The following SYT14 variants were observed in gnomAD, a reference collection of about 807,000 sequenced individuals.
The protein encoded by SYT14 is synaptotagmin-14.
Under a neutral mutation model 74.2 loss-of-function variants are expected in SYT14, and 32 were observed. The observed-to-expected ratio is 0.43, with a 90% CI of 0.33 to 0.58. The LOEUF (loss-of-function observed/expected upper bound fraction) is 0.58, where lower values mean the gene tolerates loss of function less well. Among genes scored for constraint, SYT14 ranks in the 20% least tolerant of loss-of-function variants. SYT14 has a pLI of 0.05. For synonymous variants in SYT14, 298 were observed against 337.7 expected, an observed-to-expected ratio of 0.88 and a Z score of 1.29; for missense variants, 791 against 981.8, an observed-to-expected ratio of 0.81 and a Z score of 2.60.
chr1:210,159,888 C>T (rs2083339177), intron 9 of SYT14, among the ~76,000 whole-genome samples: 1 of 152,090 alleles, frequency 6.6e-6, no homozygotes, highest in African/African-American at 2.4e-5. Context: ...GGATTTGTCT[C>T]CCAAATAATC....
At chr1:209,939,131 T>C (rs993937011) in intron 1 of SYT14, among the ~76,000 whole-genome samples, 14 of 152,222 alleles carry the variant, frequency 9.2e-5, no homozygotes, top group African/African-American at 3.4e-4. Context: ...TTTTGCCTTG[T>C]TTTTAAGGAA....
At chr1:209,992,299 C>T (rs1401516303) in intron 2 of SYT14, among the ~76,000 whole-genome samples, 1 of 152,078 alleles carries the variant, frequency 6.6e-6, no homozygotes, top group Non-Finnish European at 1.5e-5. Context: ...TGCACACCAC[C>T]ACACCTGGCT....
chr1:210,103,121 G>A (rs563115813), intron 7 of SYT14, among the ~76,000 whole-genome samples: 27 of 152,028 alleles, frequency 1.8e-4, no homozygotes, highest in African/African-American at 6.3e-4. Flanking sequence ...TAGATAATAG[G>A]AAAATAGAAT....
exon 9 of SYT14, chr1:210,159,450 A>C (rs1292211022): frequency 1.3e-6 from 2 of 1,551,356 alleles, no homozygotes; most frequent in Non-Finnish European, 1.7e-6. Flanking sequence ...AAAACACTTG[A>C]TAGGTGGACA....
At chr1:210,075,338 G>GT (rs1174586080) in intron 5 of SYT14, among the ~76,000 whole-genome samples, 8 of 104,556 alleles carry the variant, frequency 7.7e-5, no homozygotes, top group African/African-American at 3.2e-4. Context: ...GGTCTCGAGG[G>GT]TTTGTTTTTT....
At chr1:210,019,492 C>G (rs2080259976) in intron 4 of SYT14, among the ~76,000 whole-genome samples, 1 of 151,780 alleles carries the variant, frequency 6.6e-6, no homozygotes, top group African/African-American at 2.4e-5. Context: ...GTTTTAATTT[C>G]TGTTTAATTT....
In SYT14 at chr1:210,161,097, A is replaced by G. The variant is rs1309435891; in HGVS notation, c.*55A>G. On this transcript the variant is annotated 3_prime_UTR_variant, in exon 10 of 10. Coordinates refer to ENST00000637265, the Ensembl canonical transcript of SYT14. ...AAGGCAGCATATTTCCAATTCCAACATTACTGTTTCTACCAAGTCCCATTA... is the reference window on the plus strand; with the variant it reads ...AAGGCAGCATATTTCCAATTCCAACGTTACTGTTTCTACCAAGTCCCATTA... The G allele has an allele frequency of 1.5e-5, 23 of 1,569,920 alleles. No homozygotes were observed. The East Asian group carries it at 4.9e-4, about 34-fold the overall frequency.
At chr1:210,155,664 T>C (rs762855865) in intron 7 of SYT14, 57 bp from the exon 7 acceptor site, 18 of 1,573,716 alleles carry the variant, frequency 1.1e-5, no homozygotes, top group Non-Finnish European at 1.2e-5. Flanking sequence ...CATAACAATA[T>C]ATCTCTTAAT....
intron 1 of SYT14, among the ~76,000 whole-genome samples, chr1:209,950,142 A>G (rs1207376858): frequency 6.6e-6 from 1 of 152,152 alleles, no homozygotes; most frequent in Non-Finnish European, 1.5e-5. Flanking sequence ...GGGAGAGTTT[A>G]GTTCTAATTA....
intron 7 of SYT14, among the ~76,000 whole-genome samples, chr1:210,145,147 T>G (rs1267470636): frequency 1.3e-5 from 2 of 152,214 alleles, no homozygotes; most frequent in Non-Finnish European, 2.9e-5. Flanking sequence ...TAAGATTGAT[T>G]ATAATAAAAC....
intron 2 of SYT14, among the ~76,000 whole-genome samples, chr1:210,005,605 C>A (rs552573716): frequency 6.6e-6 from 1 of 151,978 alleles, no homozygotes; most frequent in East Asian, 1.9e-4. Flanking sequence ...AAAATTGAGA[C>A]AATTCGTTGT....
chr1:210,044,236 A>G (rs1434238100), intron 5 of SYT14, among the ~76,000 whole-genome samples: 2 of 152,126 alleles, frequency 1.3e-5, no homozygotes, highest in Non-Finnish European at 2.9e-5. Flanking sequence ...GGATTGCATG[A>G]TGCACCTTCC....
chr1:210,163,995 C>T (rs1572403489), exon 10 of SYT14: 2 of 452,846 alleles, frequency 4.4e-6, no homozygotes, highest in South Asian at 3.1e-5. Context: ...ATATGGCAAT[C>T]GACTGGCATT....
intron 5 of SYT14, among the ~76,000 whole-genome samples, chr1:210,047,656 C>G (rs1285658924): frequency 3.9e-5 from 6 of 152,130 alleles, no homozygotes; most frequent in Admixed American, 6.5e-5. Flanking sequence ...CTTGGCCACC[C>G]AAAGTGCTGG....
rs140563007 is a variant in SYT14, at chr1:210,110,108, G to C, written c.2034+9647G>C. The stretch of plus-strand genomic sequence containing the variant: ...CAGGGAGGGGAACATCACACACCGA[G>C]GCCTGTCAGGGGATTGAGGGTTAGG... On this transcript the variant is annotated intron_variant, in intron 7 of 9. Coordinates refer to ENST00000637265, the Ensembl canonical transcript of SYT14. Among the ~76,000 whole-genome samples, 4 of 152,260 alleles carry C rather than the reference G, an allele frequency of 2.6e-5. No individual in the cohort carries two copies. The East Asian group carries it at 7.7e-4, about 29-fold the overall frequency.
intron 5 of SYT14, among the ~76,000 whole-genome samples, chr1:210,060,660 C>G (rs1468220538): frequency 6.6e-6 from 1 of 152,000 alleles, no homozygotes; most frequent in East Asian, 1.9e-4. Flanking sequence ...GGAAACAGCC[C>G]TCTAATAGAA....
chr1:210,101,705 G>T (rs1040451244), intron 7 of SYT14, among the ~76,000 whole-genome samples: 1 of 151,920 alleles, frequency 6.6e-6, no homozygotes, highest in Non-Finnish European at 1.5e-5. Context: ...GGGGAAGAAC[G>T]AATTTTTCAT....
chr1:210,099,820 T>G (rs559914270), intron 6 of SYT14, among the ~76,000 whole-genome samples, 192 bp from the exon 6 acceptor site: 84 of 152,348 alleles, frequency 5.5e-4, no homozygotes, highest in Admixed American at 1.7e-3. Context: ...AGTTTTGAAT[T>G]TAACTTACTG....
At chr1:210,025,340 A>G (rs1008268070) in intron 5 of SYT14, among the ~76,000 whole-genome samples, 28 of 152,206 alleles carry the variant, frequency 1.8e-4, no homozygotes, top group African/African-American at 6.8e-4. Flanking sequence ...ACACAAGGAA[A>G]GAGATGAATA....
Sources: allele counts gnomAD v4.1 joint callset (sites outside exome capture counted in the v4.1 genomes callset), GRCh38; gene constraint gnomAD v4.1.1; transcripts MANE v1.5; gene names NCBI Gene and HGNC (gene_info 2026-07-23, HGNC 2026-07-21).